CACNA2D4: variants seen among roughly 807,000 people sequenced by gnomAD.
CACNA2D4 encodes the protein voltage-dependent calcium channel subunit alpha-2/delta-4.
In CACNA2D4, 157 loss-of-function variants were observed where a neutral mutation model predicts 163.8. That is an observed-to-expected ratio of 0.96 (90% CI 0.84 to 1.09). CACNA2D4 has a LOEUF of 1.09. Ranked by LOEUF, CACNA2D4 falls within the 50% of genes least tolerant of loss-of-function variation. The pLI, the probability that CACNA2D4 is intolerant of heterozygous loss-of-function variation, is 0.00. For missense variants in CACNA2D4, 1,410 were observed against 1,479.9 expected, an observed-to-expected ratio of 0.95 and a Z score of 0.78; for synonymous variants, 598 against 586.9, an observed-to-expected ratio of 1.02 and a Z score of -0.27.
chr12:1,886,395 C>G, intron 7 of CACNA2D4, 22 bp from the exon 8 acceptor site: 1 of 1,608,136 alleles, frequency 6.2e-7, no homozygotes, highest in Non-Finnish European at 8.5e-7. Context: ...AAGGGACATG[C>G]CCAAGATGGG....
intron 31 of CACNA2D4, chr12:1,800,707 C>G (rs1863287540): frequency 1.7e-6 from 1 of 594,608 alleles, no homozygotes; most frequent in South Asian, 2.0e-5. Context: ...CGAGTCAAGC[C>G]CTCATCCTGG....
chr12:1,882,930 G>A lies in CACNA2D4; in HGVS notation c.1422C>T (p.Ser474=). The part of the protein sequence containing the change: ...ENVMEYLHVL[S]RPMVINHDHD... The stretch of plus-strand genomic sequence containing the variant: ...GGTCGTGGTTGATGACCATGGGGCG[G>A]CTGAGCACGTGCAGGTATTCCATCA... Residue 474 remains serine, a synonymous_variant, in exon 13 of 38, where the codon AGC becomes AGT. Transcript: ENST00000382722. The A allele has an allele frequency of 3.7e-6, 6 of 1,613,602 alleles. No homozygotes were observed. Among genetic ancestry groups the A allele is most frequent in the Non-Finnish European group, 5.1e-6 (6 of 1,179,734 alleles).
rs371417027 is a variant in CACNA2D4 at position 1,831,284 on chromosome 12, G to A, written c.2551+9455C>T. On this transcript the variant is annotated intron_variant, in intron 26 of 37. Coordinates refer to ENST00000382722, the MANE Select transcript of CACNA2D4 (RefSeq NM_172364.5). Reference sequence around the variant, plus strand: ...TGGACAGGGACCTGCTGCGGCACTCGCCGCTGCTCCGCCACCTGGACCTGT... The same window carrying A: ...TGGACAGGGACCTGCTGCGGCACTCACCGCTGCTCCGCCACCTGGACCTGT... 51 of 1,613,516 alleles carry A rather than the reference G, an allele frequency of 3.2e-5. No individual in the cohort carries two copies. In the Admixed American group the frequency reaches 3.8e-4, roughly 12 times the overall value.
intron 30 of CACNA2D4, 45 bp from the exon 31 acceptor site, chr12:1,801,163 C>A (rs779553891): frequency 1.1e-5 from 17 of 1,525,746 alleles, no homozygotes; most frequent in East Asian, 9.0e-5. Flanking sequence ...GCCACCCCCA[C>A]CCCCTGCCCC....
At chr12:1,823,187 G>A (rs114788731) in intron 26 of CACNA2D4, 1,652 of 152,696 alleles carry the variant, frequency 0.011, 33 homozygotes, top group African/African-American at 0.036. Context: ...GGCCCGATGG[G>A]CATTATCTGG....
rs1429570911 is a variant in CACNA2D4 at position 1,829,166 on chromosome 12, G to A, written c.2551+11573C>T. 6.6e-6 allele frequency among the ~76,000 whole-genome samples: 1 copy of A among 152,026 alleles called. No homozygotes were observed. The highest frequency in any genetic ancestry group is 1.5e-5 in the Non-Finnish European group (1 of 68,032). ...TTATGCCACCTTGATCTCCAGGGAG[G>A]TGGGGGGCGCAGGGAGTCGCTCTTC... On this transcript the variant is annotated intron_variant, in intron 26 of 37. Transcript: ENST00000382722. The surrounding 1 kb of genome is among the most constrained non-coding windows in gnomAD (Gnocchi z 4.2).
rs1446244781 is a variant in CACNA2D4, at chr12:1,820,594, T to A, written c.2552-8871A>T. 1 of 152,458 alleles carries A rather than the reference T, an allele frequency of 6.6e-6. No individual in the cohort carries two copies. Among genetic ancestry groups the A allele is most frequent in the Non-Finnish European group, 1.5e-5 (1 of 68,212 alleles). 9.4% of individuals were successfully genotyped at this position (152,458 alleles called of 1,614,324 possible). A position where few individuals can be genotyped will look rare whatever the true frequency, so the allele number is the denominator to read the frequency against. ...CTCTCTTTCCTTCTCAGTTTGTGAC[T>A]GACCCAGCAGCCCCGTCCCCCGTCT... On this transcript the variant is annotated intron_variant, in intron 26 of 37. Transcript: ENST00000382722. This position sits in a 1 kb window ranked among gnomAD's most constrained non-coding sequence, Gnocchi z 6.0.
intron 34 of CACNA2D4, among the ~76,000 whole-genome samples, chr12:1,797,867 G>A (rs1472866810): frequency 2.6e-5 from 4 of 152,204 alleles, no homozygotes; most frequent in South Asian, 4.1e-4. Context: ...GATCCCGGGG[G>A]AGGGTCTGAG....
At position 1,885,069 on chromosome 12, in the gene CACNA2D4, T is replaced by A. The variant is rs1565728992; in HGVS notation, c.1076A>T (p.Lys359Ile). The A allele has an allele frequency of 3.1e-6, 5 of 1,613,682 alleles. No individual in the cohort carries two copies. Among genetic ancestry groups the A allele is most frequent in the Non-Finnish European group, 4.2e-6 (5 of 1,179,668 alleles). Residue 359 changes from lysine to isoleucine, a missense_variant, in exon 10 of 38, where the codon AAA becomes ATA. By Grantham distance (102) the Lys-to-Ile change is moderately radical (BLOSUM62 -3). Transcript: ENST00000382722. ...QADRDNREHF[K>I]LLVEELMVKG... is the part of the protein sequence containing the mutation. Reference sequence around the variant, plus strand: ...GACCATCAACTCCTCCACCAGCAGTTTGAAATGCTGCCATGGGTGAGATAT... The same window carrying A: ...GACCATCAACTCCTCCACCAGCAGTATGAAATGCTGCCATGGGTGAGATAT...
In CACNA2D4 at chr12:1,896,868, A is replaced by G. The variant is rs117639284; in HGVS notation, c.782-9799T>C. ...GCACTGGCATCTTTATCACAGCACT[A>G]TTCACAATAGCAAAGATACAAAATC... is the stretch of plus-strand genomic sequence containing the variant. On this transcript the variant is annotated intron_variant, in intron 6 of 37. Coordinates refer to ENST00000382722, the MANE Select transcript of CACNA2D4 (RefSeq NM_172364.5). 3.3e-5 allele frequency among the ~76,000 whole-genome samples: 5 copies of G among 152,348 alleles called. No homozygotes were observed. In the East Asian group the frequency reaches 7.7e-4, roughly 23 times the overall value.
At position 1,878,248 on chromosome 12, in the gene CACNA2D4, C is replaced by A. The variant is rs1190643754; in HGVS notation, c.1719+67G>T. 2 of 1,534,548 alleles carry A rather than the reference C, an allele frequency of 1.3e-6. No homozygotes were observed. Among genetic ancestry groups the A allele is most frequent in the East Asian group, 4.8e-5 (2 of 41,522 alleles). On this transcript the variant is annotated intron_variant, in intron 16 of 37. Coordinates refer to ENST00000382722, the MANE Select transcript of CACNA2D4 (RefSeq NM_172364.5). The surrounding 1 kb of genome is among the most constrained non-coding windows in gnomAD (Gnocchi z 4.6). ...CCCAATGTGTGTTTGTTGTTTTAAT[C>A]GTTTTTGTGAATTACCCCCAAATCC... is the stretch of plus-strand genomic sequence containing the variant.
intron 18 of CACNA2D4, among the ~76,000 whole-genome samples, chr12:1,867,204 T>C (rs1201180741): frequency 6.6e-6 from 1 of 152,206 alleles, no homozygotes; most frequent in Non-Finnish European, 1.5e-5. Context: ...GCTTGGGGTT[T>C]GCTGAGATTC....
intron 18 of CACNA2D4, among the ~76,000 whole-genome samples, chr12:1,873,271 T>G (rs1192586307): frequency 6.6e-6 from 1 of 152,202 alleles, no homozygotes; most frequent in African/African-American, 2.4e-5. Flanking sequence ...ACGTTCTTTA[T>G]GTTGAAGCAC....
Position 1,883,063 on chromosome 12 carries a change from G to A in CACNA2D4, c.1352-63C>T, listed in dbSNP as rs114362429. The A allele has an allele frequency of 1.4e-3, 2,176 of 1,538,314 alleles. 19 individuals are homozygous for A. In the African/African-American group the frequency reaches 0.026, roughly 18 times the overall value. Reference sequence around the variant, plus strand: ...GCTTCCCTGGGAACCCCTCGCCAGGGCCTGCACCCTCCCCAGCTGCAGATG... The same window carrying A: ...GCTTCCCTGGGAACCCCTCGCCAGGACCTGCACCCTCCCCAGCTGCAGATG... On this transcript the variant is annotated intron_variant, in intron 12 of 37. Transcript: ENST00000382722. This position sits in a 1 kb window ranked among gnomAD's most constrained non-coding sequence, Gnocchi z 4.5.
intron 6 of CACNA2D4, among the ~76,000 whole-genome samples, chr12:1,906,136 C>T (rs762401485): frequency 2.6e-4 from 39 of 152,100 alleles, no homozygotes; most frequent in Middle Eastern, 3.2e-3. Flanking sequence ...CATGAAAAAA[C>T]GGAAGTTGAA....
At position 1,878,989 on chromosome 12, in the gene CACNA2D4, CAG is replaced by C; in HGVS notation, c.1609_1610del (p.Leu537GlufsTer48). 6.2e-7 allele frequency: 1 copy of C among 1,613,892 alleles called. No individual in the cohort carries two copies. The highest frequency in any genetic ancestry group is 8.5e-7 in the Non-Finnish European group (1 of 1,179,858). ...GGGGCGCCAGCTTCATCAGCTCTCTCAGGGCCACATCTGAGCCCACCACACCC... is the reference window on the plus strand; with the variant it reads ...GGGGCGCCAGCTTCATCAGCTCTCTCGGCCACATCTGAGCCCACCACACCC... ...LLGVVGSDVA[L>X]RELMKLAPRY... On this transcript the variant is annotated frameshift_variant, in exon 15 of 38. Coordinates refer to ENST00000382722, the MANE Select transcript of CACNA2D4 (RefSeq NM_172364.5). LOFTEE classifies it high-confidence loss of function. The surrounding 1 kb of genome is among the most constrained non-coding windows in gnomAD (Gnocchi z 4.6).
intron 26 of CACNA2D4, among the ~76,000 whole-genome samples, chr12:1,825,119 G>T (rs1051015769): frequency 6.6e-6 from 1 of 152,238 alleles, no homozygotes; most frequent in Non-Finnish European, 1.5e-5. Context: ...CCGGACTTGT[G>T]CAGGTGACAT....
At chr12:1,800,506 C>A in intron 31 of CACNA2D4, 68 bp from the exon 32 acceptor site, 1 of 1,489,946 alleles carries the variant, frequency 6.7e-7, no homozygotes, top group South Asian at 1.1e-5. Flanking sequence ...CCCCCACCAC[C>A]AGCACCACCC....
chr12:1,885,118 T>A (rs1204159214), intron 9 of CACNA2D4, 42 bp from the exon 10 acceptor site: 1 of 1,510,660 alleles, frequency 6.6e-7, no homozygotes, highest in Non-Finnish European at 9.2e-7. Flanking sequence ...GGGGGTTGAG[T>A]GGGCCAGTGG....
Sources: allele counts gnomAD v4.1 joint callset (sites outside exome capture counted in the v4.1 genomes callset), GRCh38; gene constraint gnomAD v4.1.1; non-coding constraint Gnocchi (gnomAD v3.1); transcripts MANE v1.5; gene names NCBI Gene and HGNC (gene_info 2026-07-23, HGNC 2026-07-21).